Variants in LRRTM4 observed in about 807,000 individuals in gnomAD.
LRRTM4 encodes leucine rich repeat transmembrane neuronal 4.
LRRTM4 carries 25 observed loss-of-function variants against 47.6 expected under a neutral mutation model. The ratio of observed to expected loss-of-function variants is 0.53; its 90% CI spans 0.38 to 0.73. The LOEUF is 0.73. LRRTM4 is among the 30% of genes least tolerant of loss of function. The pLI is 0.00. For synonymous variants in LRRTM4, 311 were observed against 269.5 expected, an observed-to-expected ratio of 1.15 and a Z score of -1.51; for missense variants, 638 against 713.4, an observed-to-expected ratio of 0.89 and a Z score of 1.20.
At chr2:77,430,328 T>C (rs994988461) in intron 3 of LRRTM4, among the ~76,000 whole-genome samples, 1 of 152,188 alleles carries the variant, frequency 6.6e-6, no homozygotes, top group African/African-American at 2.4e-5. Flanking sequence ...AAAATCTAGG[T>C]AATCTCTTAA....
intron 3 of LRRTM4, among the ~76,000 whole-genome samples, chr2:77,078,397 CACACACACACAT>C (rs1201643478): frequency 2.6e-5 from 4 of 151,044 alleles, no homozygotes; most frequent in Admixed American, 1.3e-4. Context: ...CACACACACA[CACACACACACAT>C]GTTCTGGTGC....
intron 3 of LRRTM4, among the ~76,000 whole-genome samples, chr2:77,219,246 C>T (rs189842410): frequency 6.6e-6 from 1 of 152,210 alleles, no homozygotes; most frequent in Admixed American, 6.5e-5. Context: ...GTGAGAAAAG[C>T]AATTGAAGAA....
At chr2:77,091,696 A>T (rs201731692) in intron 3 of LRRTM4, among the ~76,000 whole-genome samples, 24,984 of 144,756 alleles carry the variant, frequency 0.17, 777 homozygotes, top group East Asian at 0.41. Flanking sequence ...TGACCCTGAC[A>T]CCCATCAAGC....
chr2:77,208,689 C>T (rs2103917343), intron 3 of LRRTM4, among the ~76,000 whole-genome samples: 1 of 152,034 alleles, frequency 6.6e-6, no homozygotes, highest in South Asian at 2.1e-4. Context: ...AAAATGACTG[C>T]TTGAGATTGC....
intron 3 of LRRTM4, among the ~76,000 whole-genome samples, chr2:77,225,895 A>T (rs1318673413): frequency 6.6e-6 from 1 of 152,064 alleles, no homozygotes; most frequent in Non-Finnish European, 1.5e-5. Context: ...TTTTCTACAA[A>T]GATGACATCA....
intron 3 of LRRTM4, among the ~76,000 whole-genome samples, chr2:77,222,393 C>T (rs746468622): frequency 3.3e-5 from 5 of 152,010 alleles, no homozygotes; most frequent in African/African-American, 4.8e-5. Flanking sequence ...ACAAAAAACC[C>T]TTCAAAAAAT....
At chr2:77,490,624 T>TAAAAAAA (rs70956637) in intron 3 of LRRTM4, among the ~76,000 whole-genome samples, 1 of 150,554 alleles carries the variant, frequency 6.6e-6, no homozygotes, top group Non-Finnish European at 1.5e-5. Context: ...TCAAAAATAA[T>TAAAAAAA]AAAAAAAAAC....
intron 3 of LRRTM4, among the ~76,000 whole-genome samples, chr2:76,763,814 G>T (rs1438276144): frequency 1.3e-5 from 2 of 152,176 alleles, no homozygotes; most frequent in Non-Finnish European, 2.9e-5. Flanking sequence ...CACAAATAAA[G>T]AAGAGGGTTA....
chr2:77,217,470 C>CAT (rs1674489234), intron 3 of LRRTM4, among the ~76,000 whole-genome samples: 1 of 31,104 alleles, frequency 3.2e-5, no homozygotes, highest in African/African-American at 2.1e-4. Context: ...TATATATATA[C>CAT]TAAGCCTTTA....
intron 3 of LRRTM4, among the ~76,000 whole-genome samples, chr2:77,246,819 A>G (rs1378233106): frequency 6.6e-6 from 1 of 152,034 alleles, no homozygotes; most frequent in Admixed American, 6.6e-5. Context: ...TATACATATG[A>G]CACGCCTATA....
intron 3 of LRRTM4, among the ~76,000 whole-genome samples, chr2:76,824,627 T>C (rs1335856176): frequency 6.6e-6 from 1 of 151,544 alleles, no homozygotes; most frequent in African/African-American, 2.4e-5. Flanking sequence ...ATATTTTATG[T>C]ATGTATTATT....
chr2:77,508,438 C>G (rs917613210), intron 3 of LRRTM4, among the ~76,000 whole-genome samples: 1 of 152,174 alleles, frequency 6.6e-6, no homozygotes, highest in African/African-American at 2.4e-5. Flanking sequence ...TTCCATAGTG[C>G]ATAATCAGAA....
At chr2:77,027,039 A>G (rs551463613) in intron 3 of LRRTM4, among the ~76,000 whole-genome samples, 15 of 152,236 alleles carry the variant, frequency 9.9e-5, no homozygotes, top group African/African-American at 3.4e-4. Context: ...GACACCTGCT[A>G]TATTAAAATA....
At chr2:76,880,994 C>G (rs959399659) in intron 3 of LRRTM4, among the ~76,000 whole-genome samples, 21 of 151,986 alleles carry the variant, frequency 1.4e-4, no homozygotes. Context: ...AATCAAATTA[C>G]AGTTAGATAG....
chr2:77,410,859 A>G (rs573533347), intron 3 of LRRTM4, among the ~76,000 whole-genome samples: 2 of 152,168 alleles, frequency 1.3e-5, no homozygotes, highest in Non-Finnish European at 2.9e-5. Context: ...ATTCTGTTAC[A>G]TACACAATTG....
intron 3 of LRRTM4, among the ~76,000 whole-genome samples, chr2:77,105,953 A>G (rs905989195): frequency 6.6e-6 from 1 of 152,164 alleles, no homozygotes; most frequent in Admixed American, 6.5e-5. Flanking sequence ...TCATACTTTG[A>G]AACAACTTTC....
At chr2:77,082,811 TAA>T (rs1187438845) in intron 3 of LRRTM4, among the ~76,000 whole-genome samples, 13 of 152,148 alleles carry the variant, frequency 8.5e-5, no homozygotes, top group South Asian at 4.1e-4. Flanking sequence ...TTTGCTCTTT[TAA>T]AAAAAGACAC....
intron 3 of LRRTM4, among the ~76,000 whole-genome samples, chr2:77,024,009 G>A (rs1021197606): frequency 1.3e-5 from 2 of 152,160 alleles, no homozygotes; most frequent in Non-Finnish European, 2.9e-5. Context: ...GGAGGCCTCA[G>A]TATCATGATC....
intron 3 of LRRTM4, among the ~76,000 whole-genome samples, chr2:77,150,028 C>T (rs1672373182): frequency 6.6e-6 from 1 of 152,108 alleles, no homozygotes; most frequent in South Asian, 2.1e-4. Flanking sequence ...TACATGACTA[C>T]TGTTTCTAGC....
Sources: gnomAD v4.1 joint callset for allele counts (sites outside exome capture counted in the v4.1 genomes callset) on GRCh38, gnomAD v4.1.1 for gene constraint, MANE v1.5 for transcripts, NCBI Gene and HGNC (gene_info 2026-07-23, HGNC 2026-07-21) for gene names.